Variants in COG5 observed in about 807,000 individuals in gnomAD.
The protein encoded by COG5 is component of oligomeric golgi complex 5.
A neutral mutation model predicts 110.4 loss-of-function variants in COG5; 86 were observed. The observed-to-expected ratio is 0.78, with a 90% CI of 0.65 to 0.93. COG5 has a LOEUF of 0.93. Ranked by LOEUF, COG5 falls within the 40% of genes least tolerant of loss-of-function variation. The probability of loss-of-function intolerance (pLI) is 0.00; values close to 1 mark genes in which losing one functional copy is unlikely to be tolerated. For missense variants in COG5, 1,077 were observed against 987.0 expected, an observed-to-expected ratio of 1.09 and a Z score of -1.22; for synonymous variants, 360 against 334.6, an observed-to-expected ratio of 1.08 and a Z score of -0.83.
intron 1 of COG5, among the ~76,000 whole-genome samples, chr7:107,562,941 A>C (rs1804001142): frequency 2.0e-5 from 3 of 152,344 alleles, no homozygotes; most frequent in South Asian, 2.1e-4. Flanking sequence ...ATATTAAAAA[A>C]AGTTTGCAAT....
rs542519410 is a variant in COG5 at position 107,447,204 on chromosome 7, C to T, written c.539-34572G>A. On this transcript the variant is annotated intron_variant, in intron 6 of 21. Transcript: ENST00000297135. ...CATAGCTCCCTACTTCCATCTCACG[C>T]TTTGAATCTCTCTGAACACCCTTCT... Among the ~76,000 whole-genome samples the T allele has an allele frequency of 1.5e-4, 23 of 152,294 alleles. No homozygotes were observed. In the South Asian group the frequency reaches 3.1e-3, roughly 21 times the overall value.
intron 5 of COG5, among the ~76,000 whole-genome samples, chr7:107,527,999 A>T (rs753492762): frequency 2.6e-5 from 4 of 152,118 alleles, no homozygotes; most frequent in Non-Finnish European, 5.9e-5. Context: ...TCAGCTTCCT[A>T]CTACTGCCTC....
At chr7:107,406,067 T>C (rs149048513) in intron 7 of COG5, among the ~76,000 whole-genome samples, 4 of 152,292 alleles carry the variant, frequency 2.6e-5, no homozygotes, top group South Asian at 4.1e-4. Context: ...AGGAGCCAAA[T>C]TGTACTCAGA....
chr7:107,276,868 C>G (rs1473236630), intron 14 of COG5, among the ~76,000 whole-genome samples: 1 of 152,106 alleles, frequency 6.6e-6, no homozygotes, highest in East Asian at 1.9e-4. Flanking sequence ...CAATTGCTGT[C>G]AAGACAAACA....
intron 10 of COG5, among the ~76,000 whole-genome samples, chr7:107,356,239 G>C (rs755792434): frequency 2.6e-5 from 4 of 152,126 alleles, no homozygotes; most frequent in Non-Finnish European, 5.9e-5. Flanking sequence ...AATTACAGAA[G>C]CATTGAAACC....
intron 14 of COG5, among the ~76,000 whole-genome samples, chr7:107,260,528 G>A (rs1269464895): frequency 6.6e-6 from 1 of 152,058 alleles, no homozygotes; most frequent in Non-Finnish European, 1.5e-5. Flanking sequence ...ACACTTTAAT[G>A]GGTGAGTTAT....
At chr7:107,521,070 C>T (rs1349435605) in intron 6 of COG5, among the ~76,000 whole-genome samples, 1 of 152,176 alleles carries the variant, frequency 6.6e-6, no homozygotes, top group East Asian at 1.9e-4. Flanking sequence ...ATAAATGGTG[C>T]TGGGAAAACT....
At chr7:107,488,529 T>C (rs1450767320) in intron 6 of COG5, among the ~76,000 whole-genome samples, 1 of 152,126 alleles carries the variant, frequency 6.6e-6, no homozygotes, top group Non-Finnish European at 1.5e-5. Flanking sequence ...ATATAATAAT[T>C]ATCAATTATT....
rs1469997455 is a variant in COG5, at chr7:107,402,712, T to C, written c.669+9790A>G. Among the ~76,000 whole-genome samples the C allele has an allele frequency of 2.0e-5, 3 of 152,222 alleles. No homozygotes were observed. In the East Asian group the frequency reaches 5.8e-4, roughly 29 times the overall value. ...GAGAGAAATGGGAACCAGGAAGAGC[T>C]GCAGGTGGATGGCATATCTAGTCGC... On this transcript the variant is annotated intron_variant, in intron 7 of 21. Coordinates refer to ENST00000297135, the MANE Select transcript of COG5 (RefSeq NM_006348.5).
chr7:107,376,496 CTTTAG>C (rs768894754), intron 7 of COG5, among the ~76,000 whole-genome samples: 40 of 151,598 alleles, frequency 2.6e-4, no homozygotes, highest in African/African-American at 7.7e-4. Context: ...TCTTATATAT[CTTTAG>C]TTTAAATTAT....
chr7:107,242,064 A>T (rs927778125), intron 17 of COG5, among the ~76,000 whole-genome samples: 2 of 152,174 alleles, frequency 1.3e-5, no homozygotes, highest in Admixed American at 6.5e-5. Context: ...TTACAGGCAT[A>T]AGCCACTGTG....
chr7:107,436,219 A>G (rs2129083334), intron 6 of COG5, among the ~76,000 whole-genome samples: 1 of 152,352 alleles, frequency 6.6e-6, no homozygotes, highest in Middle Eastern at 3.4e-3. Context: ...ATGTCCATGG[A>G]CAGATGAATA....
chr7:107,224,789 C>A (rs981215177), intron 19 of COG5, among the ~76,000 whole-genome samples: 1 of 152,202 alleles, frequency 6.6e-6, no homozygotes, highest in Non-Finnish European at 1.5e-5. Flanking sequence ...ACACGTGGGT[C>A]TTGTGTAGAA....
chr7:107,514,313 T>A (rs1208428857), intron 6 of COG5, among the ~76,000 whole-genome samples: 2 of 149,402 alleles, frequency 1.3e-5, no homozygotes, highest in Non-Finnish European at 3.0e-5. Flanking sequence ...ATTTTCTATA[T>A]AAACATGGCC....
At chr7:107,412,929 T>C (rs965554047) in intron 6 of COG5, among the ~76,000 whole-genome samples, 3 of 152,068 alleles carry the variant, frequency 2.0e-5, no homozygotes, top group Admixed American at 1.3e-4. Context: ...TCAAATTTAG[T>C]ATTTTAAAGT....
At chr7:107,487,959 A>T (rs895493990) in intron 6 of COG5, among the ~76,000 whole-genome samples, 3 of 152,156 alleles carry the variant, frequency 2.0e-5, no homozygotes, top group Non-Finnish European at 4.4e-5. Context: ...TCTCAAGGTT[A>T]TATCTGTAGT....
intron 6 of COG5, among the ~76,000 whole-genome samples, chr7:107,526,768 G>A (rs1409117220): frequency 2.6e-5 from 4 of 152,166 alleles, no homozygotes; most frequent in Non-Finnish European, 4.4e-5. Context: ...ATTATTTTGA[G>A]TACAAGAAGA....
At chr7:107,300,879 T>C (rs12112877) in intron 11 of COG5, among the ~76,000 whole-genome samples, 44,864 of 151,652 alleles carry the variant, frequency 0.3, 6,650 homozygotes, top group East Asian at 0.32. Flanking sequence ...AATGTTGGAG[T>C]ACTAATACAA....
At chr7:107,206,396 C>T (rs187459548) in intron 21 of COG5, among the ~76,000 whole-genome samples, 1 of 152,272 alleles carries the variant, frequency 6.6e-6, no homozygotes, top group Non-Finnish European at 1.5e-5. Flanking sequence ...TTGTGAGATG[C>T]CTTAGTTAAA....
Sources: gnomAD v4.1 joint callset for allele counts (sites outside exome capture counted in the v4.1 genomes callset) on GRCh38, gnomAD v4.1.1 for gene constraint, MANE v1.5 for transcripts, NCBI Gene and HGNC (gene_info 2026-07-23, HGNC 2026-07-21) for gene names.